Variants in SMOC2 observed in about 807,000 individuals in gnomAD.
The protein encoded by SMOC2 is SPARC-related modular calcium-binding protein 2.
In SMOC2, 39 loss-of-function variants were observed where a neutral mutation model predicts 61.4. That is an observed-to-expected ratio of 0.64 (90% CI 0.49 to 0.83). The LOEUF is 0.83. Among genes scored for constraint, SMOC2 ranks in the 40% least tolerant of loss-of-function variants. SMOC2 has a pLI of 0.00. For synonymous variants in SMOC2, 247 were observed against 239.9 expected (o/e 1.03, Z -0.27); for missense variants, 556 against 592.9 (o/e 0.94, Z 0.65).
chr6:168,562,725 A>G (rs1052836416), intron 7 of SMOC2, among the ~76,000 whole-genome samples: 1 of 152,140 alleles, frequency 6.6e-6, no homozygotes, highest in African/African-American at 2.4e-5. Flanking sequence ...AAATGCACTC[A>G]CATTTCAGAG....
At chr6:168,543,725 C>G in intron 5 of SMOC2, 53 bp downstream of exon 5, 1 of 1,502,356 alleles carries the variant, frequency 6.7e-7, no homozygotes, top group South Asian at 1.2e-5. Flanking sequence ...TAACTTATCC[C>G]GTGAAATAAC....
At chr6:168,468,292 C>T (rs1028080396) in intron 1 of SMOC2, among the ~76,000 whole-genome samples, 6 of 152,228 alleles carry the variant, frequency 3.9e-5, no homozygotes, top group African/African-American at 1.2e-4. Context: ...GGTCAGGGCT[C>T]TGCCAGCCTT....
In SMOC2 at chr6:168,658,077, A is replaced by G. The variant is rs144306296; in HGVS notation, c.1285+4849A>G. Among the ~76,000 whole-genome samples, 1,175 of 152,266 alleles carry G rather than the reference A, an allele frequency of 7.7e-3. 8 individuals carry two copies. The highest frequency in any genetic ancestry group is 0.027 in the African/African-American group (1,139 of 41,552). ...CTTAAAACCTACAAGCAGGGTCCAC[A>G]TGGGAGGCCTGGGGGACTGATGGGG... is the stretch of plus-strand genomic sequence containing the variant. On this transcript the variant is annotated intron_variant, in intron 11 of 12. Transcript: ENST00000356284.
At position 168,591,203 on chromosome 6, in the gene SMOC2, A is replaced by G. The variant is rs146712714; in HGVS notation, c.638-7615A>G. ...ACAATATGGAGGAAGGCTGTCTCCA[A>G]TGTGCTAATTACTTTTCGGGAGTGT... On this transcript the variant is annotated intron_variant, in intron 7 of 12. Transcript: ENST00000356284. Among the ~76,000 whole-genome samples, 554 of 152,378 alleles carry G rather than the reference A, an allele frequency of 3.6e-3. 4 individuals carry two copies. The highest frequency in any genetic ancestry group is 0.013 in the African/African-American group (527 of 41,588).
chr6:168,490,974 C>G (rs987588668), intron 1 of SMOC2, among the ~76,000 whole-genome samples: 2 of 149,880 alleles, frequency 1.3e-5, no homozygotes, highest in African/African-American at 4.9e-5. Flanking sequence ...AAGGTGACCC[C>G]GTAGGACTCT....
At chr6:168,663,102 A>G (rs1489978106) in intron 11 of SMOC2, among the ~76,000 whole-genome samples, 2 of 117,670 alleles carry the variant, frequency 1.7e-5, no homozygotes, top group African/African-American at 7.0e-5. Context: ...GTCAGGAAAT[A>G]GAGAGTATTT....
rs2115017786 is a variant in SMOC2, at chr6:168,475,545, G to A, written c.84+34091G>A. On this transcript the variant is annotated intron_variant, in intron 1 of 12. Transcript: ENST00000356284. The surrounding 1 kb of genome is among the most constrained non-coding windows in gnomAD (Gnocchi z 4.6). ...TGGCAGGCTGGGGAGAGGAGGCCAT[G>A]GCCAGCGTTGCCTTGGGGGACAGGG... is the stretch of plus-strand genomic sequence containing the variant. 6.6e-6 allele frequency among the ~76,000 whole-genome samples: 1 copy of A among 152,232 alleles called. No individual in the cohort carries two copies. The highest frequency in any genetic ancestry group is 2.1e-4 in the South Asian group (1 of 4,822).
intron 1 of SMOC2, among the ~76,000 whole-genome samples, chr6:168,454,235 G>GGC (rs1781529906): frequency 6.6e-6 from 1 of 152,072 alleles, no homozygotes; most frequent in Non-Finnish European, 1.5e-5. Context: ...GTGTGTCCCG[G>GGC]CTCCCCCAGG....
chr6:168,462,549 G>T (rs1222354952), intron 1 of SMOC2, among the ~76,000 whole-genome samples: 1 of 152,078 alleles, frequency 6.6e-6, no homozygotes, highest in Non-Finnish European at 1.5e-5. Context: ...CCAAGACCTC[G>T]TCTCTGTGGT....
rs1562388037 is a variant in SMOC2 at position 168,621,719 on chromosome 6, GA to G, written c.907+13481del. ...TGTTTATAAAACCATCAGATCTCAC[GA>G]TCTCACGCGGACTCACTCGCTATCT... On this transcript the variant is annotated intron_variant, in intron 9 of 12. Transcript: ENST00000356284. 2.5e-4 allele frequency among the ~76,000 whole-genome samples: 8 copies of G among 32,164 alleles called. No homozygotes were observed. The East Asian group carries it at 5.1e-3, about 21-fold the overall frequency. The allele number at this position is 32,164 out of a possible 152,430, so 21.1% of individuals were successfully genotyped here. A position where few individuals can be genotyped will look rare whatever the true frequency, so the allele number is the denominator to read the frequency against.
intron 1 of SMOC2, among the ~76,000 whole-genome samples, chr6:168,482,176 A>G (rs1196780485): frequency 6.6e-6 from 1 of 151,992 alleles, no homozygotes; most frequent in Non-Finnish European, 1.5e-5. Context: ...AGACGTTTCA[A>G]ATTACTAAAA....
At position 168,581,967 on chromosome 6, in the gene SMOC2, C is replaced by T. The variant is rs1784931000; in HGVS notation, c.638-16851C>T. On this transcript the variant is annotated intron_variant, in intron 7 of 12. Transcript: ENST00000356284. ...CCCCTTTCCAAGGTGGCCTGCCCCACCATCCCCCAAACAATCAGCATTAGC... is the reference window on the plus strand; with the variant it reads ...CCCCTTTCCAAGGTGGCCTGCCCCATCATCCCCCAAACAATCAGCATTAGC... 2.6e-5 allele frequency among the ~76,000 whole-genome samples: 4 copies of T among 152,192 alleles called. No homozygotes were observed. The South Asian group carries it at 8.3e-4, about 31-fold the overall frequency.
At chr6:168,619,134 C>T (rs1562386766) in intron 9 of SMOC2, among the ~76,000 whole-genome samples, 1 of 152,092 alleles carries the variant, frequency 6.6e-6, no homozygotes, top group African/African-American at 2.4e-5. Flanking sequence ...ATTTTAGAAG[C>T]AATGTGGCTT....
Position 168,473,362 on chromosome 6 carries a change from T to C in SMOC2, c.84+31908T>C, listed in dbSNP as rs376709814. 1.4e-4 allele frequency among the ~76,000 whole-genome samples: 21 copies of C among 152,304 alleles called. 2 individuals are homozygous for C. In the South Asian group the frequency reaches 3.5e-3, roughly 26 times the overall value. ...GGCACTGCCAGGTGTCATGGCCCAA[T>C]TGGCATTGCTCAGGTCCTTTCCCTG... On this transcript the variant is annotated intron_variant, in intron 1 of 12. Transcript: ENST00000356284.
At chr6:168,470,992 T>TA (rs1337620390) in intron 1 of SMOC2, among the ~76,000 whole-genome samples, 3 of 152,264 alleles carry the variant, frequency 2.0e-5, no homozygotes, top group Admixed American at 6.5e-5. Flanking sequence ...GAGAGTTTCT[T>TA]ATATATAAAT....
intron 9 of SMOC2, among the ~76,000 whole-genome samples, chr6:168,638,550 G>A (rs1448380805): frequency 6.6e-6 from 1 of 152,192 alleles, no homozygotes; most frequent in Non-Finnish European, 1.5e-5. Context: ...CGAGAGGGTG[G>A]GCAGAGCACA....
chr6:168,598,095 C>T (rs1328945638), intron 7 of SMOC2, among the ~76,000 whole-genome samples: 2 of 152,192 alleles, frequency 1.3e-5, no homozygotes, highest in East Asian at 1.9e-4. Context: ...AGTATGAATA[C>T]CTCTCATTAT....
intron 4 of SMOC2, among the ~76,000 whole-genome samples, chr6:168,530,637 ACCCC>A (rs3064057): frequency 2.0e-4 from 24 of 120,260 alleles, no homozygotes; most frequent in African/African-American, 5.3e-4. Context: ...TCACGGTGCA[ACCCC>A]CCCCCCCCCG....
intron 1 of SMOC2, among the ~76,000 whole-genome samples, chr6:168,489,955 C>G (rs188872298): frequency 2.6e-5 from 4 of 151,778 alleles, no homozygotes; most frequent in Non-Finnish European, 5.9e-5. Context: ...TCATCTGGGT[C>G]CTCTTGGATC....
Sources: gnomAD v4.1 joint callset for allele counts (sites outside exome capture counted in the v4.1 genomes callset) on GRCh38, gnomAD v4.1.1 for gene constraint, Gnocchi (gnomAD v3.1) non-coding constraint, MANE v1.5 for transcripts, NCBI Gene and HGNC (gene_info 2026-07-23, HGNC 2026-07-21) for gene names.